The following MINK1 variants were observed in gnomAD, a reference collection of about 807,000 sequenced individuals.
The protein encoded by MINK1 is misshapen-like kinase 1.
In MINK1, 46 loss-of-function variants were observed where a neutral mutation model predicts 178.4. The ratio of observed to expected loss-of-function variants is 0.26; its 90% CI spans 0.20 to 0.33. The LOEUF (loss-of-function observed/expected upper bound fraction) is 0.33, where lower values mean the gene tolerates loss of function less well. Ranked by LOEUF, MINK1 falls within the 10% of genes least tolerant of loss-of-function variation. The pLI, the probability that MINK1 is intolerant of heterozygous loss-of-function variation, is 1.00. For synonymous variants in MINK1, 797 were observed against 709.7 expected, an observed-to-expected ratio of 1.12 and a Z score of -1.96; for missense variants, 1,366 against 1,814.9, an observed-to-expected ratio of 0.75 and a Z score of 4.49.
chr17:4,884,791 C>A, intron 5 of MINK1, 121 bp from the exon 6 acceptor site: 1 of 841,142 alleles, frequency 1.2e-6, no homozygotes, highest in Non-Finnish European at 1.9e-6. Flanking sequence ...TGGAGAAGGT[C>A]TGCTCCTTCA....
chr17:4,861,448 G>T, intron 1 of MINK1, among the ~76,000 whole-genome samples: 1 of 152,120 alleles, frequency 6.6e-6, no homozygotes, highest in East Asian at 1.9e-4. Flanking sequence ...TTCAATAATT[G>T]AGTCCAACAC....
At chr17:4,870,423 C>T (rs1481864177) in intron 1 of MINK1, among the ~76,000 whole-genome samples, 1 of 151,880 alleles carries the variant, frequency 6.6e-6, no homozygotes. Context: ...GAGATGCTAT[C>T]TCATTGGGTT....
chr17:4,886,504 G>A lies in MINK1; in HGVS notation c.827G>A (p.Ser276Asn). 6.2e-7 allele frequency: 1 copy of A among 1,613,436 alleles called. No homozygotes were observed. The highest frequency in any genetic ancestry group is 1.1e-5 in the South Asian group (1 of 91,056). Residue 276 changes from serine (S) to asparagine (N), a missense_variant, in exon 10 of 32, where the codon AGC becomes AAC. Physicochemically the swap from Ser to Asn is conservative, Grantham distance 46 (BLOSUM62 1). This residue lies in a region of MINK1 where 109 missense variants were observed against 369.4 expected (regional missense o/e 0.30). Transcript: ENST00000355280. This position sits in a 1 kb window ranked among gnomAD's most constrained non-coding sequence, Gnocchi z 6.1. The part of the protein sequence containing the change: ...IDTCLIKTYL[S>N]RPPTEQLLKF... ...ACATGTCTCATCAAGACTTACCTGA[G>A]CCGCCCACCCACGGAGCAGCTACTG...
chr17:4,876,876 T>C (rs1414403957), intron 1 of MINK1, among the ~76,000 whole-genome samples: 1 of 151,952 alleles, frequency 6.6e-6, no homozygotes, highest in Non-Finnish European at 1.5e-5. Context: ...CTGCTTGAAC[T>C]CAGAAGTTTG....
chr17:4,861,615 C>T, intron 1 of MINK1: 1 of 246,218 alleles, frequency 4.1e-6, no homozygotes, highest in Non-Finnish European at 8.6e-6. Flanking sequence ...ATTCTCCTGC[C>T]CCAGCCTCCC....
chr17:4,833,474 G>A lies in MINK1; in HGVS notation c.-110G>A. ...CCTCCCCGGTCTCCGGGGGAGGCGC[G>A]GTGGAGTCCGCCCCCGGGGTTCTCC... On this transcript the variant is annotated 5_prime_UTR_variant, in exon 1 of 32. Transcript: ENST00000355280. The surrounding 1 kb of genome is among the most constrained non-coding windows in gnomAD (Gnocchi z 4.8). 1 of 884,116 alleles carries A rather than the reference G, an allele frequency of 1.1e-6. No homozygotes were observed. The highest frequency in any genetic ancestry group is 1.7e-6 in the Non-Finnish European group (1 of 599,424). 54.8% of individuals were successfully genotyped at this position (884,116 alleles called of 1,614,324 possible).
chr17:4,895,216 C>G lies in MINK1; in HGVS notation c.3059C>G (p.Ser1020Cys). 1 of 1,614,148 alleles carries G rather than the reference C, an allele frequency of 6.2e-7. No individual in the cohort carries two copies. Among genetic ancestry groups the G allele is most frequent in the Non-Finnish European group, 8.5e-7 (1 of 1,180,016 alleles). The change falls in exon 25 of 32, where the codon TCC becomes TGC. Residue 1020 changes from serine to cysteine, a missense_variant. By Grantham distance (112) the Ser-to-Cys change is moderately radical. This residue lies in a region of MINK1 where 42 missense variants were observed against 64.0 expected (regional missense o/e 0.66). Transcript: ENST00000355280. The surrounding 1 kb of genome is among the most constrained non-coding windows in gnomAD (Gnocchi z 4.3). ...EIRKYKKRFN[S>C]EILCAALWGV... is the part of the protein sequence containing the mutation. ...CGGAAGTACAAGAAGCGATTCAACT[C>G]CGAGATCCTCTGTGCAGCCCTTTGG... is the stretch of plus-strand genomic sequence containing the variant.
chr17:4,866,487 T>A (rs529808263), intron 1 of MINK1, among the ~76,000 whole-genome samples: 83 of 149,734 alleles, frequency 5.5e-4, no homozygotes, highest in African/African-American at 1.9e-3. Context: ...AAAAAAAAAA[T>A]TTCTATCTTA....
chr17:4,835,427 G>C (rs981248387), intron 1 of MINK1, among the ~76,000 whole-genome samples: 2 of 152,112 alleles, frequency 1.3e-5, no homozygotes, highest in Non-Finnish European at 2.9e-5. Flanking sequence ...AGGAGTTCGG[G>C]ACCAGCCTGG....
intron 1 of MINK1, among the ~76,000 whole-genome samples, chr17:4,861,101 C>T (rs1422125193): frequency 1.3e-5 from 2 of 152,122 alleles, no homozygotes; most frequent in East Asian, 1.9e-4. Context: ...ATTAAATCAG[C>T]GACGATTTGG....
rs1299695171 is a variant in MINK1 at position 4,892,476 on chromosome 17, C to T, written c.2162C>T (p.Pro721Leu). 1.0e-5 allele frequency: 16 copies of T among 1,564,580 alleles called. No individual in the cohort carries two copies. The highest frequency in any genetic ancestry group is 1.9e-5 in the Admixed American group (1 of 53,158). Residue 721 changes from proline (P) to leucine (L), a missense_variant, in exon 18 of 32, where the codon CCC (proline) becomes CTC (leucine). This residue lies in a region of MINK1 where 709 missense variants were observed against 692.3 expected (regional missense o/e 1.02). Transcript: ENST00000355280. ...AERGTPKPPGPPAQPPGPPNA... is the reference protein window; with the variant it reads ...AERGTPKPPGLPAQPPGPPNA... Reference sequence around the variant, plus strand: ...CGGGGCACCCCAAAGCCTCCAGGGCCCCCTGCTCAGCCCCCTGGCCCGCCC... The same window carrying T: ...CGGGGCACCCCAAAGCCTCCAGGGCTCCCTGCTCAGCCCCCTGGCCCGCCC...
intron 1 of MINK1, among the ~76,000 whole-genome samples, chr17:4,837,527 A>C (rs1909493679): frequency 6.6e-6 from 1 of 152,218 alleles, no homozygotes; most frequent in Non-Finnish European, 1.5e-5. Flanking sequence ...CCTTGAAGTA[A>C]AGTTAGGATC....
rs767654355 is a variant in MINK1 at position 4,885,650 on chromosome 17, A to C, written c.639+37A>C. On this transcript the variant is annotated intron_variant, in intron 7 of 31. Coordinates refer to ENST00000355280, the MANE Select transcript of MINK1 (RefSeq NM_153827.5). The surrounding 1 kb of genome is among the most constrained non-coding windows in gnomAD (Gnocchi z 5.0). ...AAAGTTGGGAGCATGGGGGCTGCCAAGGGCGGGAAGCAATATGGGGACCAC... is the reference window on the plus strand; with the variant it reads ...AAAGTTGGGAGCATGGGGGCTGCCACGGGCGGGAAGCAATATGGGGACCAC... 6.2e-7 allele frequency: 1 copy of C among 1,612,520 alleles called. No individual in the cohort carries two copies. Among genetic ancestry groups the C allele is most frequent in the Non-Finnish European group, 8.5e-7 (1 of 1,179,058 alleles).
chr17:4,851,999 CAAAAAAAAAAA>C (rs535581252), intron 1 of MINK1, among the ~76,000 whole-genome samples: 38 of 69,444 alleles, frequency 5.5e-4, no homozygotes, highest in African/African-American at 2.4e-3. Context: ...GACTCTGTCT[CAAAAAAAAAAA>C]AAAAAAAAAA....
intron 15 of MINK1, 136 bp from the exon 16 acceptor site, chr17:4,891,320 T>TGG (rs1968790448): frequency 2.3e-6 from 3 of 1,293,216 alleles, no homozygotes; most frequent in Non-Finnish European, 3.1e-6. Flanking sequence ...GACTTAGCTG[T>TGG]CATCAGGCTC....
rs1597604194 is a variant in MINK1, at chr17:4,897,198, A to G, written c.3916-6A>G. 6.2e-7 allele frequency: 1 copy of G among 1,611,778 alleles called. No individual in the cohort carries two copies. The highest frequency in any genetic ancestry group is 8.5e-7 in the Non-Finnish European group (1 of 1,179,110). ...CCTTGGTGACTTCTTCTCCTGCCCCACCCAGGTGTTTTTTGCCTCAGTCCG... is the reference window on the plus strand; with the variant it reads ...CCTTGGTGACTTCTTCTCCTGCCCCGCCCAGGTGTTTTTTGCCTCAGTCCG... On this transcript the variant is annotated splice_region_variant and splice_polypyrimidine_tract_variant and intron_variant, in intron 31 of 31. Coordinates refer to ENST00000355280, the MANE Select transcript of MINK1 (RefSeq NM_153827.5).
rs771024889 is a variant in MINK1, at chr17:4,885,025, T to C, written c.508+23T>C. ...TAGGTGCGCCGGCTCCTTCTGAGGC[T>C]GACGAGGACCTTTCACCTCCAGAAC... On this transcript the variant is annotated intron_variant, in intron 6 of 31. Coordinates refer to ENST00000355280, the MANE Select transcript of MINK1 (RefSeq NM_153827.5). The surrounding 1 kb of genome is among the most constrained non-coding windows in gnomAD (Gnocchi z 5.0). 6.2e-7 allele frequency: 1 copy of C among 1,611,644 alleles called. No homozygotes were observed. The highest frequency in any genetic ancestry group is 8.5e-7 in the Non-Finnish European group (1 of 1,178,066).
At chr17:4,854,696 T>G (rs1407728779) in intron 1 of MINK1, 1 of 463,940 alleles carries the variant, frequency 2.2e-6, no homozygotes, top group East Asian at 6.5e-5. Context: ...CTTCTAGAAC[T>G]GGCCTGATTT....
Position 4,896,539 on chromosome 17 carries a change from C to A in MINK1, c.3726C>A (p.Arg1242=). 6.2e-7 allele frequency: 1 copy of A among 1,613,976 alleles called. No homozygotes were observed. Among genetic ancestry groups the A allele is most frequent in the South Asian group, 1.1e-5 (1 of 91,084 alleles). The change falls in exon 30 of 32, where the codon CGC becomes CGA. Residue 1242 remains arginine (R), a synonymous_variant. Transcript: ENST00000355280. This position sits in a 1 kb window ranked among gnomAD's most constrained non-coding sequence, Gnocchi z 4.6. ...DEGVYVNTYG[R]IIKDVVLQWG... is the part of the protein sequence containing the mutation. ...GTGTCTACGTCAACACGTACGGGCG[C>A]ATCATTAAGGATGTGGTGCTGCAGT...
Sources: allele counts gnomAD v4.1 joint callset (sites outside exome capture counted in the v4.1 genomes callset), GRCh38; gene constraint gnomAD v4.1.1; regional missense constraint gnomAD v4.1.1; non-coding constraint Gnocchi (gnomAD v3.1); transcripts MANE v1.5; gene names NCBI Gene and HGNC (gene_info 2026-07-23, HGNC 2026-07-21).